Variants in ADAM12 observed in about 807,000 individuals in gnomAD.
ADAM12 encodes the protein disintegrin and metalloproteinase domain-containing protein 12.
ADAM12 carries 70 observed loss-of-function variants against 106.4 expected under a neutral mutation model. The ratio of observed to expected loss-of-function variants is 0.66; its 90% CI spans 0.54 to 0.80. The LOEUF (loss-of-function observed/expected upper bound fraction) is 0.80. ADAM12 is among the 30% of genes least tolerant of loss of function. ADAM12 has a pLI of 0.00. For missense variants in ADAM12, 1,010 were observed against 1,171.9 expected (o/e 0.86, Z 2.02); for synonymous variants, 420 against 433.5 (o/e 0.97, Z 0.39).
At chr10:126,325,833 C>G (rs887312088) in intron 2 of ADAM12, among the ~76,000 whole-genome samples, 2 of 152,132 alleles carry the variant, frequency 1.3e-5, no homozygotes, top group Non-Finnish European at 2.9e-5. Flanking sequence ...AAGTTTCTAG[C>G]GTATTTTACA....
At chr10:126,041,847 G>T in intron 18 of ADAM12, 2 of 1,258,974 alleles carry the variant, frequency 1.6e-6, no homozygotes, top group Non-Finnish European at 2.0e-6. Context: ...CAGGGCTGGG[G>T]CCTGCCAGAG....
At chr10:126,116,578 C>T (rs1449815056) in intron 6 of ADAM12, among the ~76,000 whole-genome samples, 1 of 152,044 alleles carries the variant, frequency 6.6e-6, no homozygotes, top group Non-Finnish European at 1.5e-5. Flanking sequence ...TGCCACCAAG[C>T]AGCCATGTCA....
intron 1 of ADAM12, among the ~76,000 whole-genome samples, chr10:126,348,243 T>C (rs1413042437): frequency 3.3e-5 from 5 of 151,942 alleles, no homozygotes; most frequent in African/African-American, 1.2e-4. Flanking sequence ...GAGCACAGAG[T>C]CTGGTAAAGA....
intron 14 of ADAM12, among the ~76,000 whole-genome samples, chr10:126,054,753 G>C (rs973227629): frequency 1.3e-5 from 2 of 152,172 alleles, no homozygotes; most frequent in Non-Finnish European, 2.9e-5. Flanking sequence ...TGCTGTGGAG[G>C]TGCATCAGTG....
intron 3 of ADAM12, among the ~76,000 whole-genome samples, chr10:126,261,370 C>G (rs1230918008): frequency 6.6e-6 from 1 of 152,116 alleles, no homozygotes; most frequent in Non-Finnish European, 1.5e-5. Context: ...GCAATTAAGA[C>G]TATACTTAGA....
Position 126,036,273 on chromosome 10 carries a change from A to AG in ADAM12, c.2401dup (p.Leu801ProfsTer27). On this transcript the variant is annotated frameshift_variant, in exon 21 of 23. Transcript: ENST00000448723. LOFTEE classifies it high-confidence loss of function. ...GGGCTGAGGGACATTCAGGCCGTTG[A>AG]GGGGTCTGCTGATGTCAACATTCTG... 6.4e-7 allele frequency: 1 copy of AG among 1,562,908 alleles called. No homozygotes were observed. Among genetic ancestry groups the AG allele is most frequent in the Non-Finnish European group, 8.6e-7 (1 of 1,160,844 alleles).
In ADAM12 at chr10:126,207,138, G is replaced by A. The variant is rs757257792; in HGVS notation, c.261-51833C>T. ...ATGTCTTTATTAGCAGCATGAAAAC[G>A]GACTAACACAGAAAGCAAGGATAAA... On this transcript the variant is annotated intron_variant, in intron 3 of 22. Coordinates refer to ENST00000448723, the MANE Select transcript of ADAM12 (RefSeq NM_001288973.2). Among the ~76,000 whole-genome samples the A allele has an allele frequency of 4.6e-5, 7 of 151,990 alleles. No individual in the cohort carries two copies. The South Asian group carries it at 1.2e-3, about 27-fold the overall frequency.
chr10:126,068,599 G>A (rs896347310), intron 12 of ADAM12, among the ~76,000 whole-genome samples: 1 of 152,192 alleles, frequency 6.6e-6, no homozygotes, highest in Non-Finnish European at 1.5e-5. Context: ...GAGTTGTCAG[G>A]ATTTCCTTAT....
intron 21 of ADAM12, among the ~76,000 whole-genome samples, chr10:126,025,204 T>G (rs1953846094): frequency 6.6e-6 from 1 of 152,204 alleles, no homozygotes. Context: ...CTGAGATGGC[T>G]GACATGACAG....
intron 11 of ADAM12, among the ~76,000 whole-genome samples, chr10:126,077,191 TA>T (rs1565038031): frequency 6.6e-6 from 1 of 152,092 alleles, no homozygotes; most frequent in African/African-American, 2.4e-5. Flanking sequence ...GGAATCTATC[TA>T]GCCAAGGAGA....
intron 6 of ADAM12, among the ~76,000 whole-genome samples, chr10:126,114,161 T>C (rs1227068158): frequency 6.6e-6 from 1 of 152,100 alleles, no homozygotes; most frequent in Non-Finnish European, 1.5e-5. Context: ...ACACTGATCA[T>C]ATCCACACAG....
chr10:126,095,121 G>A (rs1955532309), intron 10 of ADAM12, among the ~76,000 whole-genome samples: 1 of 152,158 alleles, frequency 6.6e-6, no homozygotes, highest in African/African-American at 2.4e-5. Flanking sequence ...AAAGAGATAA[G>A]ATGTTTTCCA....
chr10:126,200,076 T>G (rs1241304897), intron 3 of ADAM12, among the ~76,000 whole-genome samples: 4 of 152,160 alleles, frequency 2.6e-5, no homozygotes, highest in Non-Finnish European at 5.9e-5. Flanking sequence ...CTCTTTAATA[T>G]TCACTGTTCT....
At chr10:126,113,140 T>C (rs999004814) in intron 6 of ADAM12, among the ~76,000 whole-genome samples, 2 of 152,140 alleles carry the variant, frequency 1.3e-5, no homozygotes, top group Non-Finnish European at 1.5e-5. Flanking sequence ...TGTGGAAAGA[T>C]TGTGGGAACA....
chr10:126,372,434 T>C (rs1198293276), intron 1 of ADAM12, among the ~76,000 whole-genome samples: 1 of 152,172 alleles, frequency 6.6e-6, no homozygotes, highest in Non-Finnish European at 1.5e-5. Context: ...AAAGATTTAG[T>C]GGGTTCCTCA....
At chr10:126,076,860 T>C (rs1401977624) in intron 11 of ADAM12, among the ~76,000 whole-genome samples, 1 of 152,220 alleles carries the variant, frequency 6.6e-6, no homozygotes, top group Non-Finnish European at 1.5e-5. Flanking sequence ...GTCCCACTTG[T>C]CAATTTTTGT....
chr10:126,113,005 C>T (rs771291547), intron 6 of ADAM12, among the ~76,000 whole-genome samples: 8 of 151,972 alleles, frequency 5.3e-5, no homozygotes, highest in South Asian at 2.1e-4. Flanking sequence ...GCAGAATTAA[C>T]GAAAGAAAGA....
At chr10:126,082,615 C>T (rs889772280) in intron 11 of ADAM12, among the ~76,000 whole-genome samples, 1 of 152,058 alleles carries the variant, frequency 6.6e-6, no homozygotes. Context: ...GGGTGATCCA[C>T]CCACCTCGGC....
intron 3 of ADAM12, among the ~76,000 whole-genome samples, chr10:126,237,508 A>C (rs1958441833): frequency 6.6e-6 from 1 of 152,190 alleles, no homozygotes; most frequent in African/African-American, 2.4e-5. Context: ...TCTTCACTGG[A>C]AACACTTCAG....
Sources: gnomAD v4.1 joint callset for allele counts (sites outside exome capture counted in the v4.1 genomes callset) on GRCh38, gnomAD v4.1.1 for gene constraint, MANE v1.5 for transcripts, NCBI Gene and HGNC (gene_info 2026-07-23, HGNC 2026-07-21) for gene names.